PRRG4: variants seen among roughly 807,000 people sequenced by gnomAD.
The protein encoded by PRRG4 is transmembrane gamma-carboxyglutamic acid protein 4.
PRRG4 carries 12 observed loss-of-function variants against 20.0 expected under a neutral mutation model. That is an observed-to-expected ratio of 0.60 (90% CI 0.38 to 0.97). PRRG4 has a LOEUF of 0.97. Ranked by LOEUF, PRRG4 falls within the 50% of genes least tolerant of loss-of-function variation. The probability of loss-of-function intolerance (pLI) is 0.00; values close to 1 mark genes in which losing one functional copy is unlikely to be tolerated. For missense variants in PRRG4, 199 were observed against 265.1 expected (o/e 0.75, Z 1.73); for synonymous variants, 94 against 96.4 (o/e 0.98, Z 0.15).
chr11:32,848,983 A>AAAC (rs57590065), intron 5 of PRRG4, among the ~76,000 whole-genome samples: 27,159 of 149,860 alleles, frequency 0.18, 2,942 homozygotes, highest in African/African-American at 0.29. Flanking sequence ...AAAAAAAAAA[A>AAAC]AAGAATTTAA....
intron 5 of PRRG4, among the ~76,000 whole-genome samples, chr11:32,844,166 T>A (rs1402164987): frequency 6.6e-6 from 1 of 152,186 alleles, no homozygotes; most frequent in Non-Finnish European, 1.5e-5. Flanking sequence ...TTCAAAACCC[T>A]GGTACGCCAC....
At chr11:32,851,801 AT>A (rs1240819735) in intron 5 of PRRG4, among the ~76,000 whole-genome samples, 1 of 152,126 alleles carries the variant, frequency 6.6e-6, no homozygotes, top group Non-Finnish European at 1.5e-5. Context: ...AGGTATATAT[AT>A]TTATGGGGTA....
intron 5 of PRRG4, among the ~76,000 whole-genome samples, chr11:32,844,204 T>TACTTAA (rs1044825175): frequency 3.9e-5 from 6 of 152,172 alleles, no homozygotes; most frequent in African/African-American, 1.4e-4. Flanking sequence ...TTGGAAATGT[T>TACTTAA]ACTTAAACTT....
At chr11:32,838,544 G>A (rs1851045609) in intron 3 of PRRG4, among the ~76,000 whole-genome samples, 1 of 152,134 alleles carries the variant, frequency 6.6e-6, no homozygotes. Flanking sequence ...TGGGTCCACA[G>A]CCTCAACTTC....
chr11:32,839,409 T>G (rs1352313333), intron 4 of PRRG4, among the ~76,000 whole-genome samples: 1 of 152,084 alleles, frequency 6.6e-6, no homozygotes, highest in African/African-American at 2.4e-5. Context: ...CGCCAGCTAT[T>G]CTTTCATTCC....
At chr11:32,850,584 C>G (rs2133450812) in intron 5 of PRRG4, among the ~76,000 whole-genome samples, 1 of 152,316 alleles carries the variant, frequency 6.6e-6, no homozygotes, top group South Asian at 2.1e-4. Context: ...TAGACATTCT[C>G]TTATGTTAGC....
chr11:32,836,672 GA>G lies in PRRG4; in HGVS notation c.120del (p.Glu41LysfsTer25). 1.3e-6 allele frequency: 2 copies of G among 1,584,668 alleles called. No homozygotes were observed. Among genetic ancestry groups the G allele is most frequent in the Non-Finnish European group, 1.7e-6 (2 of 1,158,082 alleles). On this transcript the variant is annotated frameshift_variant, in exon 3 of 6. Transcript: ENST00000257836. LOFTEE classifies it high-confidence loss of function. The part of the protein sequence containing the change: ...HAGEEVFTSK[E>X]EANFFIHRRL... ...TACTTTATTAGTGTTTACATCAAAA[GA>G]AGAAGCAAACTTTTTCATACATAGA...
chr11:32,847,498 A>G (rs1310431003), intron 5 of PRRG4, among the ~76,000 whole-genome samples: 1 of 152,220 alleles, frequency 6.6e-6, no homozygotes, highest in Non-Finnish European at 1.5e-5. Context: ...TAAAATAACA[A>G]GTATTGGCGA....
chr11:32,855,429 T>G lies in PRRG4; in HGVS notation c.*1902T>G, dbSNP rs577700703. The G allele has an allele frequency of 6.6e-6, 1 of 152,308 alleles. No individual in the cohort carries two copies. Among genetic ancestry groups the G allele is most frequent in the East Asian group, 1.9e-4 (1 of 5,190 alleles). The allele number at this position is 152,308 out of a possible 1,614,324, so 9.4% of individuals were successfully genotyped here. A position where few individuals can be genotyped will look rare whatever the true frequency, so the allele number is the denominator to read the frequency against. The stretch of plus-strand genomic sequence containing the variant: ...TTATCATTTAGGATCACTTATAAAA[T>G]GATCATTGTTTATTTTGTTTTATAA... On this transcript the variant is annotated 3_prime_UTR_variant, in exon 6 of 6. Transcript: ENST00000257836.
At chr11:32,847,985 T>G (rs1045373501) in intron 5 of PRRG4, among the ~76,000 whole-genome samples, 6 of 152,200 alleles carry the variant, frequency 3.9e-5, no homozygotes, top group African/African-American at 1.2e-4. Flanking sequence ...AGAGATTACC[T>G]TGGGCTGGGA....
chr11:32,830,616 G>C lies in PRRG4; in HGVS notation c.87G>C (p.Lys29Asn). The change falls in exon 2 of 6, where the codon AAG becomes AAC. Residue 29 changes from lysine (K) to asparagine (N), a missense_variant. Lys to Asn is a moderately conservative substitution (Grantham distance 94). Transcript: ENST00000257836. ...GCGCAAGAGGTCCAAAGGCTTCTAA[G>C]CATGCGGGAGAAGAAGGTAAGCACT... Reference protein sequence around the residue: ...PHCARGPKASKHAGEEVFTSK... With the variant: ...PHCARGPKASNHAGEEVFTSK... 6.2e-7 allele frequency: 1 copy of C among 1,613,928 alleles called. No homozygotes were observed. The highest frequency in any genetic ancestry group is 8.5e-7 in the Non-Finnish European group (1 of 1,179,974).
intron 5 of PRRG4, among the ~76,000 whole-genome samples, chr11:32,846,737 T>C (rs1351215540): frequency 1.3e-5 from 2 of 152,144 alleles, no homozygotes; most frequent in African/African-American, 2.4e-5. Flanking sequence ...CGGTGGCTCA[T>C]GCCTGTAATC....
chr11:32,839,861 T>A (rs986396710), intron 4 of PRRG4, among the ~76,000 whole-genome samples: 20 of 147,086 alleles, frequency 1.4e-4, no homozygotes, highest in African/African-American at 2.2e-4. Context: ...ATTTAAAAAA[T>A]ATATATATTT....
intron 5 of PRRG4, among the ~76,000 whole-genome samples, chr11:32,852,800 T>G (rs2133452498): frequency 6.9e-6 from 1 of 144,472 alleles, no homozygotes; most frequent in Non-Finnish European, 1.5e-5. Context: ...TTAGATGGAG[T>G]CTCTCTCTGT....
rs1851209097 is a variant in PRRG4, at chr11:32,854,079, C to G, written c.*552C>G. On this transcript the variant is annotated 3_prime_UTR_variant, in exon 6 of 6. Transcript: ENST00000257836. ...CAGCTTGATAAGAGACTTTTTGACTCTATATCCTTGCAGTTAAGAAGAAAG... is the reference window on the plus strand; with the variant it reads ...CAGCTTGATAAGAGACTTTTTGACTGTATATCCTTGCAGTTAAGAAGAAAG... 6.5e-6 allele frequency: 1 copy of G among 153,118 alleles called. No homozygotes were observed. The highest frequency in any genetic ancestry group is 2.4e-5 in the African/African-American group (1 of 41,432). The allele number at this position is 153,118 out of a possible 1,614,324, so 9.5% of individuals were successfully genotyped here. A position where few individuals can be genotyped will look rare whatever the true frequency, so the allele number is the denominator to read the frequency against.
chr11:32,836,691 T>C lies in PRRG4; in HGVS notation c.137T>C (p.Ile46Thr). The change falls in exon 3 of 6, where the codon ATA (isoleucine) becomes ACA (threonine). Residue 46 changes from isoleucine to threonine, a missense_variant. Physicochemically the swap from Ile to Thr is moderately conservative, Grantham distance 89. Transcript: ENST00000257836. ...TCAAAAGAAGAAGCAAACTTTTTCA[T>C]ACATAGACGCCTTCTGTATAATAGA... is the stretch of plus-strand genomic sequence containing the variant. ...FTSKEEANFF[I>T]HRRLLYNRFD... The C allele has an allele frequency of 6.2e-7, 1 of 1,602,504 alleles. No individual in the cohort carries two copies. Among genetic ancestry groups the C allele is most frequent in the Non-Finnish European group, 8.5e-7 (1 of 1,171,390 alleles).
intron 3 of PRRG4, among the ~76,000 whole-genome samples, chr11:32,838,572 C>T (rs910984432): frequency 6.6e-6 from 1 of 152,190 alleles, no homozygotes; most frequent in Non-Finnish European, 1.5e-5. Context: ...GGTACTTTCA[C>T]CTACTCTCTA....
At chr11:32,838,693 A>C (rs983831079) in intron 3 of PRRG4, among the ~76,000 whole-genome samples, 189 bp from the exon 4 acceptor site, 8 of 152,022 alleles carry the variant, frequency 5.3e-5, no homozygotes, top group Non-Finnish European at 7.4e-5. Flanking sequence ...ACAATTAGAG[A>C]GATGGCAGAG....
At chr11:32,845,065 C>G (rs571098861) in intron 5 of PRRG4, among the ~76,000 whole-genome samples, 2 of 151,880 alleles carry the variant, frequency 1.3e-5, no homozygotes, top group South Asian at 4.2e-4. Flanking sequence ...TATGAAATCT[C>G]CCTAGCTTAC....
Sources: gnomAD v4.1 joint callset for allele counts (sites outside exome capture counted in the v4.1 genomes callset) on GRCh38, gnomAD v4.1.1 for gene constraint, MANE v1.5 for transcripts, NCBI Gene and HGNC (gene_info 2026-07-23, HGNC 2026-07-21) for gene names.